Variants in NUCB2 observed in about 807,000 individuals in gnomAD.
NUCB2 encodes the protein nucleobindin-2.
In NUCB2, 48 loss-of-function variants were observed where a neutral mutation model predicts 57.9. The observed-to-expected ratio is 0.83, with a 90% CI of 0.66 to 1.05. The LOEUF (loss-of-function observed/expected upper bound fraction) is 1.05, where lower values mean the gene tolerates loss of function less well. NUCB2 is among the 50% of genes least tolerant of loss of function. The pLI is 0.00. For missense variants in NUCB2, 442 were observed against 476.2 expected (o/e 0.93, Z 0.67); for synonymous variants, 139 against 152.1 (o/e 0.91, Z 0.64).
chr11:17,292,108 T>G (rs962734072), intron 2 of NUCB2, among the ~76,000 whole-genome samples: 2 of 152,162 alleles, frequency 1.3e-5, no homozygotes. Context: ...TAATAGAATT[T>G]AAGTACTTAA....
At chr11:17,301,667 A>T (rs1297871788) in intron 4 of NUCB2, 77 bp from the exon 5 acceptor site, 1 of 998,064 alleles carries the variant, frequency 1.0e-6, no homozygotes, top group African/African-American at 1.6e-5. Flanking sequence ...ATGTATTGTA[A>T]CCCTGTTTTT....
intron 2 of NUCB2, among the ~76,000 whole-genome samples, chr11:17,348,467 T>C (rs1056581011): frequency 6.6e-6 from 1 of 151,408 alleles, no homozygotes; most frequent in Non-Finnish European, 1.5e-5. Context: ...GCCTCTCAAA[T>C]AGCTGGGAAT....
At chr11:17,318,034 G>A in intron 11 of NUCB2, among the ~76,000 whole-genome samples, 1 of 128,560 alleles carries the variant, frequency 7.8e-6, no homozygotes, top group Non-Finnish European at 1.6e-5. Flanking sequence ...GTCTCTCTCT[G>A]TCACCCAGGC....
intron 10 of NUCB2, 71 bp downstream of exon 10, chr11:17,312,191 A>T: frequency 1.2e-6 from 1 of 838,216 alleles, no homozygotes; most frequent in Non-Finnish European, 1.9e-6. Flanking sequence ...AATCTTTAAG[A>T]TGGAAAATAT....
At chr11:17,301,572 C>T (rs1946760913) in intron 4 of NUCB2, among the ~76,000 whole-genome samples, 172 bp from the exon 5 acceptor site, 1 of 152,214 alleles carries the variant, frequency 6.6e-6, no homozygotes, top group Non-Finnish European at 1.5e-5. Flanking sequence ...AGCCACCACG[C>T]CCGGCCCTAA....
chr11:17,286,923 T>C (rs532156178), intron 2 of NUCB2, among the ~76,000 whole-genome samples: 1 of 150,438 alleles, frequency 6.6e-6, no homozygotes, highest in South Asian at 2.1e-4. Context: ...TACTTACCAT[T>C]TTTTTTTTAA....
chr11:17,285,195 A>G (rs892780825), intron 2 of NUCB2, among the ~76,000 whole-genome samples: 1 of 152,192 alleles, frequency 6.6e-6, no homozygotes, highest in Non-Finnish European at 1.5e-5. Flanking sequence ...TGGGAGGCCA[A>G]GGCGGGCAGA....
At chr11:17,298,956 C>G (rs1946277189) in intron 4 of NUCB2, among the ~76,000 whole-genome samples, 1 of 152,230 alleles carries the variant, frequency 6.6e-6, no homozygotes, top group Non-Finnish European at 1.5e-5. Flanking sequence ...GCCTTGGCCT[C>G]CCAAAGTGCT....
chr11:17,348,971 G>T (rs1052632104), intron 2 of NUCB2, among the ~76,000 whole-genome samples: 1 of 151,966 alleles, frequency 6.6e-6, no homozygotes, highest in Non-Finnish European at 1.5e-5. Flanking sequence ...GTAGAGACAG[G>T]GTTTCACCAT....
Position 17,310,944 on chromosome 11 carries a change from A to G in NUCB2, c.603A>G (p.Lys201=). ...YLKTLNEEKR[K]EEESKFEEMK... ...AAACATTGAATGAAGAAAAGAGAAA[A>G]GAAGAAGAGTCTAAATTTGAAGAAA... is the stretch of plus-strand genomic sequence containing the variant. The change falls in exon 7 of 14, where the codon AAA becomes AAG. Residue 201 remains lysine (K), a synonymous_variant. Transcript: ENST00000529010. 6.3e-7 allele frequency: 1 copy of G among 1,595,046 alleles called. No individual in the cohort carries two copies. Among genetic ancestry groups the G allele is most frequent in the Non-Finnish European group, 8.5e-7 (1 of 1,174,154 alleles).
At chr11:17,297,135 TA>T (rs944998025) in intron 4 of NUCB2, among the ~76,000 whole-genome samples, 21 of 151,848 alleles carry the variant, frequency 1.4e-4, no homozygotes, top group African/African-American at 4.3e-4. Flanking sequence ...ACTCAGTGAG[TA>T]AAAAAAAATC....
chr11:17,279,018 C>G (rs1180879165), intron 1 of NUCB2, among the ~76,000 whole-genome samples: 2 of 152,260 alleles, frequency 1.3e-5, no homozygotes, highest in Admixed American at 1.3e-4. Context: ...CATGGTGAAA[C>G]CCCGTCTTTA....
chr11:17,301,182 G>C (rs1240122409), intron 4 of NUCB2, among the ~76,000 whole-genome samples: 1 of 151,152 alleles, frequency 6.6e-6, no homozygotes, highest in African/African-American at 2.4e-5. Flanking sequence ...CATGTTGGCC[G>C]GGCTGGTCTC....
chr11:17,311,333 T>G (rs764418352), intron 8 of NUCB2, 50 bp downstream of exon 8: 8 of 1,321,088 alleles, frequency 6.1e-6, no homozygotes, highest in Non-Finnish European at 8.5e-6. Flanking sequence ...CTTGAAAAAG[T>G]ATTTGCTTTC....
chr11:17,288,879 A>G (rs1591252965), intron 2 of NUCB2, among the ~76,000 whole-genome samples: 2 of 71,570 alleles, frequency 2.8e-5, no homozygotes, highest in East Asian at 5.3e-4. Context: ...AATAACATGT[A>G]TATACACACA....
At chr11:17,329,506 A>G (rs1485566279) in intron 11 of NUCB2, among the ~76,000 whole-genome samples, 3 of 152,196 alleles carry the variant, frequency 2.0e-5, no homozygotes, top group Non-Finnish European at 4.4e-5. Flanking sequence ...GCTGCTTCAA[A>G]TGCTCCTATG....
Position 17,315,398 on chromosome 11 carries a change from AAAGACAGATTGGTG to A in NUCB2, c.927_940del (p.Lys309AsnfsTer19). The stretch of plus-strand genomic sequence containing the variant: ...TTGTTTTAATCAGGTTGATACTAAC[AAAGACAGATTGGTG>A]ACTCTGGAGGAGTTTTTGAAAGCCA... On this transcript the variant is annotated frameshift_variant, in exon 11 of 14. Transcript: ENST00000529010. LOFTEE classifies it high-confidence loss of function. The A allele has an allele frequency of 6.2e-7, 1 of 1,605,554 alleles. No individual in the cohort carries two copies. Among genetic ancestry groups the A allele is most frequent in the Non-Finnish European group, 8.5e-7 (1 of 1,173,448 alleles).
intron 11 of NUCB2, among the ~76,000 whole-genome samples, chr11:17,321,720 G>T (rs570965838): frequency 6.6e-6 from 1 of 152,096 alleles, no homozygotes; most frequent in African/African-American, 2.4e-5. Flanking sequence ...CCTACCAACA[G>T]TGTACGAGGG....
intron 11 of NUCB2, among the ~76,000 whole-genome samples, chr11:17,317,376 C>T (rs957650284): frequency 2.6e-5 from 4 of 151,958 alleles, no homozygotes; most frequent in African/African-American, 9.7e-5. Context: ...ACACATCATG[C>T]CACTTTAATC....
Sources: allele counts gnomAD v4.1 joint callset (sites outside exome capture counted in the v4.1 genomes callset), GRCh38; gene constraint gnomAD v4.1.1; transcripts MANE v1.5; gene names NCBI Gene and HGNC (gene_info 2026-07-23, HGNC 2026-07-21).